The following LTBP1 variants were observed in gnomAD, a reference collection of about 807,000 sequenced individuals.
LTBP1 encodes latent-transforming growth factor beta-binding protein 1.
A neutral mutation model predicts 207.6 loss-of-function variants in LTBP1; 129 were observed. The observed-to-expected ratio is 0.62, with a 90% confidence interval of 0.54 to 0.72. The LOEUF (loss-of-function observed/expected upper bound fraction) is 0.72, where lower values mean the gene tolerates loss of function less well. Ranked by LOEUF, LTBP1 falls within the 30% of genes least tolerant of loss-of-function variation. LTBP1 has a pLI of 0.00. For missense variants in LTBP1, 2,281 were observed against 2,217.2 expected, an observed-to-expected ratio of 1.03 and a Z score of -0.58; for synonymous variants, 963 against 833.7, an observed-to-expected ratio of 1.16 and a Z score of -2.67.
chr2:32,978,157 G>A (rs1258503902), intron 2 of LTBP1, among the ~76,000 whole-genome samples: 1 of 152,108 alleles, frequency 6.6e-6, no homozygotes, highest in Non-Finnish European at 1.5e-5. Context: ...CATATCATCT[G>A]CAAACAAGGA....
At chr2:33,273,181 A>T (rs1369579558) in intron 15 of LTBP1, among the ~76,000 whole-genome samples, 1 of 152,038 alleles carries the variant, frequency 6.6e-6, no homozygotes, top group East Asian at 1.9e-4. Context: ...ATTTTGGAGG[A>T]GATTGGATGT....
chr2:33,285,636 G>A (rs147160748), intron 19 of LTBP1: 5,303 of 150,638 alleles, frequency 0.035, 120 homozygotes, highest in Middle Eastern at 0.11. Context: ...TTTAGTAGAG[G>A]TGGGGTTTCA....
intron 9 of LTBP1, among the ~76,000 whole-genome samples, chr2:33,223,883 G>A (rs185260749): frequency 5.9e-5 from 9 of 152,266 alleles, no homozygotes; most frequent in South Asian, 2.1e-4. Flanking sequence ...CTATAAACAC[G>A]CCTTAAAATG....
chr2:33,104,916 A>G (rs1572655373), intron 3 of LTBP1, among the ~76,000 whole-genome samples: 1 of 152,228 alleles, frequency 6.6e-6, no homozygotes, highest in East Asian at 1.9e-4. Flanking sequence ...TCGGCTTTGA[A>G]CCAAAAATAT....
intron 2 of LTBP1, among the ~76,000 whole-genome samples, chr2:32,953,636 G>A (rs76207120): frequency 0.11 from 17,332 of 152,050 alleles, 1,275 homozygotes; most frequent in Non-Finnish European, 0.17. Flanking sequence ...GCCCTCCTCC[G>A]GCCCATGGGC....
In LTBP1 at chr2:33,305,980, TC is replaced by T. The variant is rs147226663; in HGVS notation, c.3482-3452del. Among the ~76,000 whole-genome samples the T allele has an allele frequency of 1.4e-4, 22 of 152,316 alleles. No homozygotes were observed. The East Asian group carries it at 3.7e-3, about 25-fold the overall frequency. On this transcript the variant is annotated intron_variant, in intron 22 of 33. Coordinates refer to ENST00000404816, the MANE Select transcript of LTBP1 (RefSeq NM_206943.4). ...TAGAAAGATGACAGTGATTCACTGT[TC>T]CTGCCCTTAAAACCTTTTACTCTAC...
intron 7 of LTBP1, among the ~76,000 whole-genome samples, chr2:33,191,731 CA>C (rs1255427745): frequency 6.6e-6 from 1 of 152,142 alleles, no homozygotes. Flanking sequence ...AAAACAAAAA[CA>C]AAACCCTGGA....
chr2:33,258,080 C>T (rs1050490467), intron 12 of LTBP1, among the ~76,000 whole-genome samples: 5 of 152,138 alleles, frequency 3.3e-5, no homozygotes, highest in Non-Finnish European at 7.3e-5. Flanking sequence ...TGTAATGGGA[C>T]CTGTGACCAC....
At chr2:33,263,223 C>G (rs1486773523) in intron 14 of LTBP1, 71 bp from the exon 15 acceptor site, 1 of 881,674 alleles carries the variant, frequency 1.1e-6, no homozygotes, top group South Asian at 1.4e-5. Flanking sequence ...ATTATGCTTG[C>G]ATTTTGAAAT....
chr2:33,288,640 G>C (rs1406923692), intron 19 of LTBP1, among the ~76,000 whole-genome samples: 1 of 152,116 alleles, frequency 6.6e-6, no homozygotes, highest in Non-Finnish European at 1.5e-5. Flanking sequence ...CAGATCACAA[G>C]GTCAGGAGAT....
chr2:33,389,429 G>A, intron 32 of LTBP1, 123 bp downstream of exon 32: 1 of 1,343,066 alleles, frequency 7.4e-7, no homozygotes, highest in East Asian at 2.4e-5. Flanking sequence ...AGACCTGCTG[G>A]TCAGAAAGTC....
intron 24 of LTBP1, among the ~76,000 whole-genome samples, chr2:33,323,144 C>A (rs1240010402): frequency 6.6e-6 from 1 of 152,164 alleles, no homozygotes; most frequent in African/African-American, 2.4e-5. Flanking sequence ...TAGCCTGCTT[C>A]TAGCACATTC....
At chr2:33,118,761 C>T (rs1396734662) in intron 4 of LTBP1, among the ~76,000 whole-genome samples, 2 of 152,126 alleles carry the variant, frequency 1.3e-5, no homozygotes, top group African/African-American at 4.8e-5. Context: ...TCTTGCCATG[C>T]ACGTTATCCT....
rs551615606 is a variant in LTBP1 at position 33,106,665 on chromosome 2, T to C, written c.864-3917T>C. Among the ~76,000 whole-genome samples, 7 of 152,264 alleles carry C rather than the reference T, an allele frequency of 4.6e-5. No homozygotes were observed. The East Asian group carries it at 1.3e-3, about 29-fold the overall frequency. ...GTCTTAACAGTAGGGTTAAAATATT[T>C]AGTAAACCATGCTGCAAACGCATGT... On this transcript the variant is annotated intron_variant, in intron 3 of 33. Coordinates refer to ENST00000404816, the MANE Select transcript of LTBP1 (RefSeq NM_206943.4).
chr2:32,964,541 G>C (rs1485052793), intron 2 of LTBP1, among the ~76,000 whole-genome samples: 1 of 151,986 alleles, frequency 6.6e-6, no homozygotes, highest in African/African-American at 2.4e-5. Context: ...AAAGTAAATA[G>C]ATTTTTTTTT....
At chr2:33,281,272 A>G (rs1242186671) in intron 19 of LTBP1, among the ~76,000 whole-genome samples, 2 of 152,126 alleles carry the variant, frequency 1.3e-5, no homozygotes, top group Admixed American at 6.5e-5. Flanking sequence ...GGGTTCTATG[A>G]TGCTGTGAGA....
chr2:33,359,342 T>G lies in LTBP1; in HGVS notation c.4001-1255T>G, dbSNP rs1415167081. On this transcript the variant is annotated intron_variant, in intron 26 of 33. Transcript: ENST00000404816. ...GATAGAATTTTATGAGTTTATATTT[T>G]AGAAACACGTTTACTATTTAATATA... 3.3e-5 allele frequency among the ~76,000 whole-genome samples: 5 copies of G among 152,244 alleles called. 1 individual carries two copies. In the East Asian group the frequency reaches 9.6e-4, roughly 29 times the overall value.
chr2:33,254,749 C>A (rs541213050), intron 11 of LTBP1, among the ~76,000 whole-genome samples: 1 of 111,870 alleles, frequency 8.9e-6, no homozygotes, highest in Non-Finnish European at 1.8e-5. Flanking sequence ...CCTCCCGCCT[C>A]CCCCCACCCC....
chr2:32,978,335 A>G (rs1682154369), intron 2 of LTBP1, among the ~76,000 whole-genome samples: 1 of 152,158 alleles, frequency 6.6e-6, no homozygotes, highest in South Asian at 2.1e-4. Flanking sequence ...TGGGTCTATC[A>G]TACAGACTTT....
Sources: gnomAD v4.1 joint callset for allele counts (sites outside exome capture counted in the v4.1 genomes callset) on GRCh38, gnomAD v4.1.1 for gene constraint, MANE v1.5 for transcripts, NCBI Gene and HGNC (gene_info 2026-07-23, HGNC 2026-07-21) for gene names.